SUCLG2: variants seen among roughly 807,000 people sequenced by gnomAD.
SUCLG2 encodes succinate--CoA ligase [GDP-forming] subunit beta, mitochondrial.
In SUCLG2, 42 loss-of-function variants were observed where a neutral mutation model predicts 47.9. That is an observed-to-expected ratio of 0.88 (90% CI 0.69 to 1.14). The LOEUF is 1.14. SUCLG2 is among the 50% of genes most tolerant of loss of function. SUCLG2 has a pLI of 0.00. For synonymous variants in SUCLG2, 195 were observed against 197.3 expected, an observed-to-expected ratio of 0.99 and a Z score of 0.10; for missense variants, 571 against 525.9, an observed-to-expected ratio of 1.09 and a Z score of -0.84.
chr3:67,478,431 A>C (rs1704823564), intron 9 of SUCLG2, among the ~76,000 whole-genome samples: 1 of 152,242 alleles, frequency 6.6e-6, no homozygotes, highest in Non-Finnish European at 1.5e-5. Context: ...ATTGAAGTGC[A>C]AGCTCTCAAT....
At chr3:67,625,506 C>T (rs952655799) in intron 1 of SUCLG2, among the ~76,000 whole-genome samples, 1 of 152,178 alleles carries the variant, frequency 6.6e-6, no homozygotes, top group African/African-American at 2.4e-5. Flanking sequence ...CTACCCAATG[C>T]AGGAGAAAGA....
At chr3:67,360,554 TAAA>T in exon 11 of SUCLG2, 1 of 1,406,640 alleles carries the variant, frequency 7.1e-7, no homozygotes, top group South Asian at 1.5e-5. Context: ...AACCCAAATG[TAAA>T]AAAATAATTT....
intron 2 of SUCLG2, among the ~76,000 whole-genome samples, chr3:67,548,826 A>G (rs376139007): frequency 3.9e-5 from 6 of 152,174 alleles, no homozygotes; most frequent in East Asian, 3.9e-4. Context: ...CACAAAGCGC[A>G]ATGTCCAATG....
chr3:67,390,736 T>C (rs2106788720), intron 10 of SUCLG2, among the ~76,000 whole-genome samples: 1 of 152,098 alleles, frequency 6.6e-6, no homozygotes, highest in Middle Eastern at 3.4e-3. Context: ...CCCATGAAAC[T>C]GTTGAGAAAT....
At position 67,470,383 on chromosome 3, in the gene SUCLG2, C is replaced by A. The variant is rs533992727; in HGVS notation, c.1062+25415G>T. ...ACTGCTGAGTCTGTAACTGCATTTT[C>A]TTATTTACATGCTTTTCTCTACAAT... On this transcript the variant is annotated intron_variant, in intron 9 of 10. Coordinates refer to ENST00000307227, the MANE Select transcript of SUCLG2 (RefSeq NM_003848.4). Among the ~76,000 whole-genome samples, 19 of 152,272 alleles carry A rather than the reference C, an allele frequency of 1.2e-4. No individual in the cohort carries two copies. The South Asian group carries it at 3.9e-3, about 32-fold the overall frequency.
intron 1 of SUCLG2, among the ~76,000 whole-genome samples, chr3:67,622,182 A>G (rs1700747476): frequency 6.6e-6 from 1 of 152,274 alleles, no homozygotes; most frequent in Non-Finnish European, 1.5e-5. Flanking sequence ...AAATGGTTCC[A>G]ATGAATGAAC....
chr3:67,406,476 T>C (rs938379791), intron 9 of SUCLG2, among the ~76,000 whole-genome samples: 2 of 152,158 alleles, frequency 1.3e-5, no homozygotes, highest in Non-Finnish European at 2.9e-5. Context: ...GGAGGGCCTC[T>C]CATAGGCAGA....
intron 1 of SUCLG2, among the ~76,000 whole-genome samples, chr3:67,642,687 T>G (rs1701121740): frequency 6.6e-6 from 1 of 152,304 alleles, no homozygotes; most frequent in South Asian, 2.1e-4. Context: ...AGGGCTGCCA[T>G]GAATACTCAA....
At chr3:67,610,404 C>T (rs9865853) in intron 1 of SUCLG2, among the ~76,000 whole-genome samples, 74,116 of 151,462 alleles carry the variant, frequency 0.49, 18,994 homozygotes, top group African/African-American at 0.65. Context: ...TAAAAGGACA[C>T]AGTCAAAGGA....
chr3:67,467,635 T>C (rs530477175), intron 9 of SUCLG2, among the ~76,000 whole-genome samples: 36 of 152,324 alleles, frequency 2.4e-4, no homozygotes, highest in African/African-American at 8.2e-4. Context: ...AAATATCTAA[T>C]AAATGACTAC....
intron 10 of SUCLG2, among the ~76,000 whole-genome samples, chr3:67,396,423 A>G (rs1376027562): frequency 6.6e-6 from 1 of 152,208 alleles, no homozygotes; most frequent in Non-Finnish European, 1.5e-5. Context: ...AAAATCTAGA[A>G]GAAATGGATA....
intron 10 of SUCLG2, among the ~76,000 whole-genome samples, chr3:67,385,589 T>TCA (rs774366403): frequency 2.0e-5 from 3 of 152,230 alleles, no homozygotes; most frequent in Non-Finnish European, 4.4e-5. Context: ...TGAGTCCAGG[T>TCA]CATCCTCTGC....
chr3:67,596,423 C>CT (rs1294617205), intron 2 of SUCLG2, among the ~76,000 whole-genome samples: 1 of 152,182 alleles, frequency 6.6e-6, no homozygotes, highest in Non-Finnish European at 1.5e-5. Flanking sequence ...GAAAAAAACT[C>CT]TGTTTGTTAA....
intron 10 of SUCLG2, among the ~76,000 whole-genome samples, chr3:67,395,013 C>T: frequency 6.6e-6 from 1 of 151,960 alleles, no homozygotes; most frequent in East Asian, 1.9e-4. Flanking sequence ...AAAAGATCTC[C>T]TGAAGGAAGC....
chr3:67,382,472 G>C (rs943231672), intron 10 of SUCLG2, among the ~76,000 whole-genome samples: 1 of 152,164 alleles, frequency 6.6e-6, no homozygotes, highest in Admixed American at 6.5e-5. Context: ...ACCCTGACAG[G>C]TCTGATTCTT....
intron 1 of SUCLG2, among the ~76,000 whole-genome samples, chr3:67,628,447 A>C (rs1700872488): frequency 6.6e-6 from 1 of 152,240 alleles, no homozygotes; most frequent in Non-Finnish European, 1.5e-5. Flanking sequence ...TGTTTAAGTA[A>C]CCACAGATAG....
At chr3:67,499,748 C>T (rs889192325) in intron 7 of SUCLG2, among the ~76,000 whole-genome samples, 3 of 149,490 alleles carry the variant, frequency 2.0e-5, no homozygotes, top group African/African-American at 5.1e-5. Flanking sequence ...TTATTTATTT[C>T]GGAGACAGAG....
chr3:67,609,409 T>A, intron 2 of SUCLG2, 46 bp downstream of exon 2: 1 of 1,583,982 alleles, frequency 6.3e-7, no homozygotes, highest in South Asian at 1.1e-5. Flanking sequence ...ACCTGTGAAT[T>A]CACTGATTTG....
intron 9 of SUCLG2, among the ~76,000 whole-genome samples, chr3:67,435,218 T>C (rs1703589003): frequency 6.6e-6 from 1 of 152,160 alleles, no homozygotes; most frequent in Non-Finnish European, 1.5e-5. Flanking sequence ...CCTTGTAATA[T>C]TGATTTAGGC....
Sources: gnomAD v4.1 joint callset for allele counts (sites outside exome capture counted in the v4.1 genomes callset) on GRCh38, gnomAD v4.1.1 for gene constraint, MANE v1.5 for transcripts, NCBI Gene and HGNC (gene_info 2026-07-23, HGNC 2026-07-21) for gene names.